SASH1: variants seen among roughly 807,000 people sequenced by gnomAD.
SASH1 encodes SAM and SH3 domain containing 1, also known as SAM and SH3 domain-containing protein 1.
SASH1 carries 44 observed loss-of-function variants against 125.2 expected under a neutral mutation model. That is an observed-to-expected ratio of 0.35 (90% confidence interval 0.28 to 0.45). The LOEUF (loss-of-function observed/expected upper bound fraction) is 0.45. Among genes scored for constraint, SASH1 ranks in the 20% least tolerant of loss-of-function variants. SASH1 has a pLI of 1.00. For missense variants in SASH1, 1,426 were observed against 1,614.5 expected (o/e 0.88, Z 2.00); for synonymous variants, 639 against 649.1 (o/e 0.98, Z 0.24).
the SASH1 span, among the ~76,000 whole-genome samples, chr6:148,229,160 CTT>C: frequency 8.3e-6 from 1 of 120,612 alleles, no homozygotes; most frequent in African/African-American, 3.5e-5. Flanking sequence ...AAAAAAAACA[CTT>C]AACTGGCTAA....
chr6:148,326,258 C>A (rs1780793166), intron 1 of SASH1, among the ~76,000 whole-genome samples: 2 of 135,948 alleles, frequency 1.5e-5, no homozygotes, highest in Admixed American at 1.6e-4. Flanking sequence ...GAACTCCTGA[C>A]CCCAGGTGAT....
At chr6:148,370,787 T>TACA (rs1782676392) in intron 1 of SASH1, among the ~76,000 whole-genome samples, 1 of 152,112 alleles carries the variant, frequency 6.6e-6, no homozygotes, top group Non-Finnish European at 1.5e-5. Flanking sequence ...CACACCACTG[T>TACA]ACTTCAGCCT....
chr6:148,461,564 C>T (rs888368377), intron 4 of SASH1, among the ~76,000 whole-genome samples: 3 of 152,146 alleles, frequency 2.0e-5, no homozygotes, highest in Admixed American at 2.0e-4. Context: ...GCAACTCACT[C>T]CCTGCACCTG....
Position 148,550,223 on chromosome 6 carries a change from T to C in SASH1, c.*1665T>C, listed in dbSNP as rs1782811021. 1 of 152,228 alleles carries C rather than the reference T, an allele frequency of 6.6e-6. No homozygotes were observed. The highest frequency in any genetic ancestry group is 2.1e-4 in the South Asian group (1 of 4,830). The allele number at this position is 152,228 out of a possible 1,614,324, so 9.4% of individuals were successfully genotyped here. A position where few individuals can be genotyped will look rare whatever the true frequency, so the allele number is the denominator to read the frequency against. ...AAAATGATTTTCCTTTACATTCTTATCATGAACACTATTTTAAGCATCAAA... is the reference window on the plus strand; with the variant it reads ...AAAATGATTTTCCTTTACATTCTTACCATGAACACTATTTTAAGCATCAAA... On this transcript the variant is annotated 3_prime_UTR_variant, in exon 20 of 20. Coordinates refer to ENST00000367467, the MANE Select transcript of SASH1 (RefSeq NM_015278.5).
At chr6:148,228,861 C>T in the SASH1 span, among the ~76,000 whole-genome samples, 67 of 152,166 alleles carry the variant, frequency 4.4e-4, no homozygotes, top group African/African-American at 1.3e-3. Context: ...CTTGGCTGGG[C>T]GCAGTGGCTC....
intron 1 of SASH1, among the ~76,000 whole-genome samples, chr6:148,315,805 G>A (rs879938309): frequency 3.3e-5 from 5 of 152,166 alleles, no homozygotes; most frequent in Non-Finnish European, 7.3e-5. Context: ...TCAGGAGGCT[G>A]AGATAGAAGG....
intron 1 of SASH1, among the ~76,000 whole-genome samples, chr6:148,299,449 T>C (rs1463122912): frequency 6.6e-6 from 1 of 152,002 alleles, no homozygotes; most frequent in East Asian, 1.9e-4. Context: ...GGTGGATCAC[T>C]TGTGGTCAGG....
intron 8 of SASH1, among the ~76,000 whole-genome samples, chr6:148,510,673 C>T (rs1490759154): frequency 6.6e-6 from 1 of 151,542 alleles, no homozygotes; most frequent in Non-Finnish European, 1.5e-5. Flanking sequence ...TTCTCAAGCC[C>T]CCATCCCTGG....
chr6:148,303,874 A>G (rs73597328), intron 1 of SASH1, among the ~76,000 whole-genome samples: 2,725 of 152,170 alleles, frequency 0.018, 75 homozygotes, highest in African/African-American at 0.063. Flanking sequence ...AAGAAATAAC[A>G]AGGAATATTA....
the SASH1 span, among the ~76,000 whole-genome samples, chr6:148,208,293 A>T: frequency 1.3e-5 from 2 of 152,214 alleles, no homozygotes; most frequent in Non-Finnish European, 2.9e-5. Flanking sequence ...CTACTAAAGG[A>T]CTATTCGGAA....
In SASH1 at chr6:148,374,711, G is replaced by GC. The variant is rs1175531568; in HGVS notation, c.157-15423_157-15422insC. On this transcript the variant is annotated intron_variant, in intron 1 of 19. Coordinates refer to ENST00000367467, the MANE Select transcript of SASH1 (RefSeq NM_015278.5). ...GGTTTACAGCATTTTTTTTGGGGGGGGGGGAGATGGAGTCTCACTCTTGTC... is the reference window on the plus strand; with the variant it reads ...GGTTTACAGCATTTTTTTTGGGGGGGCGGGGAGATGGAGTCTCACTCTTGTC... Among the ~76,000 whole-genome samples the GC allele has an allele frequency of 3.3e-5, 5 of 151,498 alleles. No individual in the cohort carries two copies. The East Asian group carries it at 7.9e-4, about 24-fold the overall frequency.
chr6:148,398,712 A>C (rs556514900), intron 2 of SASH1, among the ~76,000 whole-genome samples: 1 of 152,218 alleles, frequency 6.6e-6, no homozygotes, highest in East Asian at 1.9e-4. Context: ...CTTCACTTAC[A>C]TTATTTGCTA....
intron 8 of SASH1, among the ~76,000 whole-genome samples, chr6:148,509,613 T>A (rs528212862): frequency 1.3e-5 from 2 of 152,374 alleles, no homozygotes; most frequent in South Asian, 4.1e-4. Flanking sequence ...ATTGCCATTG[T>A]GCTTGCACAA....
Position 148,404,831 on chromosome 6 carries a change from A to G in SASH1, c.285+14569A>G, listed in dbSNP as rs368986806. On this transcript the variant is annotated intron_variant, in intron 2 of 19. Transcript: ENST00000367467. ...CCCACCCCCAGCCCCAGCCCAGGCT[A>G]TGGTTGCTGGCCTTTCTGTTCATCT... 5.7e-5 allele frequency among the ~76,000 whole-genome samples: 8 copies of G among 140,816 alleles called. No homozygotes were observed. In the East Asian group the frequency reaches 1.2e-3, roughly 21 times the overall value. 92.4% of individuals were successfully genotyped at this position (140,816 alleles called of 152,430 possible).
chr6:148,446,964 T>A (rs1271916978), intron 4 of SASH1, among the ~76,000 whole-genome samples: 1 of 152,212 alleles, frequency 6.6e-6, no homozygotes, highest in African/African-American at 2.4e-5. Context: ...CAGAGGCTAG[T>A]GGCAAATCGT....
chr6:148,247,474 C>A, the SASH1 span, among the ~76,000 whole-genome samples: 1 of 152,216 alleles, frequency 6.6e-6, no homozygotes, highest in African/African-American at 2.4e-5. Context: ...GACAAGAGCA[C>A]CTCCTCTAGT....
At chr6:148,346,173 A>G (rs1168339854) in intron 1 of SASH1, among the ~76,000 whole-genome samples, 1 of 152,172 alleles carries the variant, frequency 6.6e-6, no homozygotes, top group Non-Finnish European at 1.5e-5. Context: ...GTGAATGAGC[A>G]ATATTGAGCA....
intron 1 of SASH1, among the ~76,000 whole-genome samples, chr6:148,372,472 G>A (rs1212677742): frequency 1.3e-5 from 2 of 152,142 alleles, no homozygotes; most frequent in African/African-American, 4.8e-5. Flanking sequence ...TAAGGCACCA[G>A]CATAGTGCCT....
chr6:148,304,516 T>C (rs9497998), intron 1 of SASH1, among the ~76,000 whole-genome samples: 114,998 of 148,036 alleles, frequency 0.78, 44,448 homozygotes, highest in South Asian at 0.82. Flanking sequence ...GAGGGTGAGG[T>C]AGAGACTTGC....
Sources: gnomAD v4.1 joint callset for allele counts (sites outside exome capture counted in the v4.1 genomes callset) on GRCh38, gnomAD v4.1.1 for gene constraint, MANE v1.5 for transcripts, NCBI Gene and HGNC (gene_info 2026-07-23, HGNC 2026-07-21) for gene names.